Variants in KIF27 observed in about 807,000 individuals in gnomAD.
KIF27 encodes kinesin-like protein KIF27.
In KIF27, 84 loss-of-function variants were observed where a neutral mutation model predicts 141.8. That is an observed-to-expected ratio of 0.59 (90% CI 0.50 to 0.71). The LOEUF (loss-of-function observed/expected upper bound fraction) is 0.71, where lower values mean the gene tolerates loss of function less well. KIF27 is among the 30% of genes least tolerant of loss of function. The pLI is 0.00. For missense variants in KIF27, 1,306 were observed against 1,628.4 expected, an observed-to-expected ratio of 0.80 and a Z score of 3.41; for synonymous variants, 471 against 569.5, an observed-to-expected ratio of 0.83 and a Z score of 2.46.
intron 15 of KIF27, among the ~76,000 whole-genome samples, chr9:83,852,493 T>C (rs925795019): frequency 5.9e-5 from 9 of 152,020 alleles, no homozygotes; most frequent in Non-Finnish European, 8.8e-5. Flanking sequence ...AGCACTCCAC[T>C]ATCTTTCTAC....
intron 4 of KIF27, among the ~76,000 whole-genome samples, chr9:83,902,096 C>T (rs1352097345): frequency 6.6e-6 from 1 of 152,006 alleles, no homozygotes; most frequent in African/African-American, 2.4e-5. Flanking sequence ...AGTTTGAGAA[C>T]TTGAGCACTG....
chr9:83,882,195 T>A (rs982708365), intron 10 of KIF27, among the ~76,000 whole-genome samples: 2 of 152,104 alleles, frequency 1.3e-5, no homozygotes, highest in Non-Finnish European at 2.9e-5. Context: ...AAACTGCGTC[T>A]CTACTAAAAA....
chr9:83,917,022 G>A (rs1356835544), intron 1 of KIF27, among the ~76,000 whole-genome samples: 1 of 151,412 alleles, frequency 6.6e-6, no homozygotes, highest in Non-Finnish European at 1.5e-5. Flanking sequence ...TAGGGTACAT[G>A]TGCACAACGT....
intron 11 of KIF27, among the ~76,000 whole-genome samples, chr9:83,878,449 T>C (rs1951409977): frequency 1.3e-5 from 2 of 152,152 alleles, no homozygotes; most frequent in African/African-American, 4.8e-5. Context: ...CTTATTTGTA[T>C]GCCAGTGTTC....
At position 83,915,593 on chromosome 9, in the gene KIF27, G is replaced by A. The variant is rs1340587380; in HGVS notation, c.-2C>T. ...AACTTTTACTGGTATTTCTTCCATG[G>A]CAACTTAGATTTTACTAAATAGATT... On this transcript the variant is annotated 5_prime_UTR_variant, in exon 2 of 18. Coordinates refer to ENST00000297814, the MANE Select transcript of KIF27 (RefSeq NM_017576.4). 10 of 1,592,022 alleles carry A rather than the reference G, an allele frequency of 6.3e-6. No individual in the cohort carries two copies. The highest frequency in any genetic ancestry group is 1.4e-5 in the African/African-American group (1 of 73,710).
At chr9:83,869,968 A>T (rs1300447710) in intron 12 of KIF27, among the ~76,000 whole-genome samples, 1 of 152,218 alleles carries the variant, frequency 6.6e-6, no homozygotes, top group Non-Finnish European at 1.5e-5. Flanking sequence ...CCCAAATCTT[A>T]GCATCACACA....
chr9:83,870,674 C>T (rs540165978), intron 11 of KIF27, 42 bp from the exon 12 acceptor site: 1 of 1,601,198 alleles, frequency 6.2e-7, no homozygotes, highest in South Asian at 1.1e-5. Context: ...GCTTTTACAC[C>T]TGACCATTAA....
chr9:83,907,565 C>T (rs10868068), intron 3 of KIF27, among the ~76,000 whole-genome samples: 47,575 of 151,450 alleles, frequency 0.31, 8,115 homozygotes, highest in African/African-American at 0.46. Flanking sequence ...CTCCCATTTC[C>T]AACAAATGGG....
At chr9:83,891,561 A>AT in intron 5 of KIF27, 60 bp from the exon 6 acceptor site, 1 of 1,455,856 alleles carries the variant, frequency 6.9e-7, no homozygotes, top group South Asian at 1.3e-5. Context: ...TTAGATTATG[A>AT]TTAAAAATGA....
intron 2 of KIF27, 111 bp from the exon 3 acceptor site, chr9:83,908,763 T>C: frequency 1.8e-6 from 1 of 563,498 alleles, no homozygotes; most frequent in South Asian, 4.6e-5. Flanking sequence ...TATAACTTTT[T>C]TTTTTTTTGG....
rs147824291 is a variant in KIF27 at position 83,839,775 on chromosome 9, T to G, written c.3722-2290A>C. Among the ~76,000 whole-genome samples, 3 of 152,146 alleles carry G rather than the reference T, an allele frequency of 2.0e-5. No homozygotes were observed. The East Asian group carries it at 5.8e-4, about 29-fold the overall frequency. On this transcript the variant is annotated intron_variant, in intron 17 of 17. Coordinates refer to ENST00000297814, the MANE Select transcript of KIF27 (RefSeq NM_017576.4). ...TGAGACCAGCCTGGCCGACATGGTCTCTACTAAAAATACAAAAAATTAGCC... is the reference window on the plus strand; with the variant it reads ...TGAGACCAGCCTGGCCGACATGGTCGCTACTAAAAATACAAAAAATTAGCC...
At chr9:83,854,671 G>A (rs1948990417) in intron 14 of KIF27, among the ~76,000 whole-genome samples, 1 of 152,162 alleles carries the variant, frequency 6.6e-6, no homozygotes, top group South Asian at 2.1e-4. Context: ...GAGTAGCTGG[G>A]ACTACAGGCA....
intron 16 of KIF27, chr9:83,849,282 G>C (rs1437018863): frequency 2.6e-5 from 4 of 152,166 alleles, no homozygotes; most frequent in African/African-American, 9.7e-5. Context: ...TAGGCAACTG[G>C]TTGCTAATTA....
intron 7 of KIF27, 116 bp from the exon 8 acceptor site, chr9:83,888,708 C>T (rs1052964056): frequency 9.3e-6 from 5 of 534,802 alleles, no homozygotes; most frequent in Non-Finnish European, 1.6e-5. Flanking sequence ...CATATAAAAA[C>T]AGAATGTTAC....
chr9:83,906,344 A>T (rs1288604676), intron 3 of KIF27, among the ~76,000 whole-genome samples: 1 of 152,190 alleles, frequency 6.6e-6, no homozygotes, highest in Admixed American at 6.5e-5. Flanking sequence ...TTGAATGACT[A>T]AAGCCATCTT....
chr9:83,884,226 A>G (rs1431484762), intron 9 of KIF27, among the ~76,000 whole-genome samples: 1 of 151,892 alleles, frequency 6.6e-6, no homozygotes, highest in Non-Finnish European at 1.5e-5. Flanking sequence ...GACTGTTCCC[A>G]TCTGCTGCCA....
At chr9:83,906,416 T>C (rs1237910466) in intron 3 of KIF27, among the ~76,000 whole-genome samples, 1 of 152,096 alleles carries the variant, frequency 6.6e-6, no homozygotes, top group South Asian at 2.1e-4. Context: ...CCAGGAAGGT[T>C]CCACTAAATA....
intron 1 of KIF27, among the ~76,000 whole-genome samples, chr9:83,920,503 C>G (rs1956146419): frequency 6.6e-6 from 1 of 152,128 alleles, no homozygotes; most frequent in Non-Finnish European, 1.5e-5. Context: ...GAATGAGTGT[C>G]TCCAAAAACC....
intron 6 of KIF27, 129 bp downstream of exon 6, chr9:83,891,166 A>G: frequency 1.6e-6 from 1 of 635,914 alleles, no homozygotes; most frequent in South Asian, 2.3e-5. Context: ...CTTAAAAGAA[A>G]AGGTATACAC....
Sources: gnomAD v4.1 joint callset for allele counts (sites outside exome capture counted in the v4.1 genomes callset) on GRCh38, gnomAD v4.1.1 for gene constraint, MANE v1.5 for transcripts, NCBI Gene and HGNC (gene_info 2026-07-23, HGNC 2026-07-21) for gene names.